TBC1D32: variants seen among roughly 807,000 people sequenced by gnomAD.
TBC1D32 encodes TBC1 domain family member 32.
In TBC1D32, 151 loss-of-function variants were observed where a neutral mutation model predicts 170.3. The observed-to-expected ratio is 0.89, with a 90% CI of 0.78 to 1.01. The LOEUF is 1.01. Ranked by LOEUF, TBC1D32 falls within the 50% of genes least tolerant of loss-of-function variation. The pLI is 0.00. For synonymous variants in TBC1D32, 498 were observed against 488.0 expected (o/e 1.02, Z -0.27); for missense variants, 1,464 against 1,457.1 (o/e 1.00, Z -0.08).
At chr6:121,249,144 T>A (rs906508071) in intron 17 of TBC1D32, among the ~76,000 whole-genome samples, 2 of 151,820 alleles carry the variant, frequency 1.3e-5, no homozygotes, top group African/African-American at 2.4e-5. Flanking sequence ...AATGTAGGGA[T>A]GGTTTAACAT....
At chr6:121,128,494 A>T (rs1001169317) in intron 25 of TBC1D32, among the ~76,000 whole-genome samples, 1 of 152,192 alleles carries the variant, frequency 6.6e-6, no homozygotes, top group Non-Finnish European at 1.5e-5. Flanking sequence ...ATCCTTAATT[A>T]TAAAACAAAT....
intron 29 of TBC1D32, among the ~76,000 whole-genome samples, chr6:121,110,242 C>A (rs1010418708): frequency 2.0e-5 from 3 of 147,346 alleles, no homozygotes; most frequent in African/African-American, 5.0e-5. Flanking sequence ...CAGAGTGAGA[C>A]TCTGTCTCAA....
intron 22 of TBC1D32, among the ~76,000 whole-genome samples, chr6:121,172,275 G>T (rs542606390): frequency 6.6e-6 from 1 of 152,292 alleles, no homozygotes; most frequent in South Asian, 2.1e-4. Flanking sequence ...GACTAATACA[G>T]TAAATTTTGG....
intron 15 of TBC1D32, among the ~76,000 whole-genome samples, chr6:121,258,035 CAA>C (rs1799271704): frequency 1.4e-5 from 2 of 145,638 alleles, no homozygotes; most frequent in African/African-American, 2.5e-5. Context: ...AAAAATATAA[CAA>C]GAGAAAAATA....
chr6:121,257,900 C>T (rs1293715296), intron 15 of TBC1D32, among the ~76,000 whole-genome samples: 1 of 152,142 alleles, frequency 6.6e-6, no homozygotes, highest in Non-Finnish European at 1.5e-5. Flanking sequence ...GATCATCCTC[C>T]ATACTTCCTG....
chr6:121,234,846 G>A (rs1796146312), intron 20 of TBC1D32, among the ~76,000 whole-genome samples: 1 of 151,958 alleles, frequency 6.6e-6, no homozygotes, highest in African/African-American at 2.4e-5. Flanking sequence ...AGTAGACTAC[G>A]TCAGAGGGAA....
intron 25 of TBC1D32, among the ~76,000 whole-genome samples, chr6:121,128,422 CCTCA>C (rs1204588332): frequency 6.6e-6 from 1 of 152,128 alleles, no homozygotes; most frequent in Non-Finnish European, 1.5e-5. Context: ...TGACCAACAG[CCTCA>C]CTGTCAACCC....
At chr6:121,240,877 C>CAAAAAAAA (rs35249678) in intron 19 of TBC1D32, among the ~76,000 whole-genome samples, 1 of 84,210 alleles carries the variant, frequency 1.2e-5, no homozygotes, top group Non-Finnish European at 2.1e-5. Flanking sequence ...TTCTGTCTCA[C>CAAAAAAAA]AAAAAAAAAA....
chr6:121,291,732 A>G (rs1244769297), intron 12 of TBC1D32, among the ~76,000 whole-genome samples: 1 of 152,178 alleles, frequency 6.6e-6, no homozygotes, highest in Non-Finnish European at 1.5e-5. Flanking sequence ...TGGAAACAAC[A>G]AAGGTTAAGT....
At chr6:121,196,094 C>T (rs2128293179) in intron 22 of TBC1D32, among the ~76,000 whole-genome samples, 1 of 152,290 alleles carries the variant, frequency 6.6e-6, no homozygotes, top group South Asian at 2.1e-4. Context: ...TATGAGTGCT[C>T]ACCAACAGGT....
chr6:121,322,712 C>A (rs1809903915), intron 1 of TBC1D32, among the ~76,000 whole-genome samples: 1 of 152,172 alleles, frequency 6.6e-6, no homozygotes, highest in African/African-American at 2.4e-5. Flanking sequence ...CAGAACAAAT[C>A]CATTTATCTA....
intron 10 of TBC1D32, among the ~76,000 whole-genome samples, chr6:121,295,325 G>A (rs908126312): frequency 1.4e-5 from 2 of 147,576 alleles, no homozygotes; most frequent in African/African-American, 2.5e-5. Flanking sequence ...GTGATATACG[G>A]TGTGATAATT....
chr6:121,292,074 T>C lies in TBC1D32; in HGVS notation c.1351A>G (p.Ile451Val), dbSNP rs372997464. ...TTACCTTTTTTATTCTTCAGCTTAA[T>C]AGGAAATAGTTTTCTGCCTTGTTTA... ...IYKQGRKLFP[I>V]KLKNKKGLVS... Residue 451 changes from isoleucine (I) to valine (V), a missense_variant, in exon 12 of 32, where the codon ATT becomes GTT. Coordinates refer to ENST00000398212, the MANE Select transcript of TBC1D32 (RefSeq NM_152730.6). The C allele has an allele frequency of 3.8e-6, 6 of 1,591,028 alleles. No individual in the cohort carries two copies. Among genetic ancestry groups the C allele is most frequent in the African/African-American group, 2.7e-5 (2 of 73,954 alleles).
intron 2 of TBC1D32, among the ~76,000 whole-genome samples, chr6:121,317,965 G>A (rs112768483): frequency 0.019 from 2,895 of 152,104 alleles, 104 homozygotes; most frequent in African/African-American, 0.066. Context: ...GGTTTCAATG[G>A]CATGGATTCC....
intron 24 of TBC1D32, among the ~76,000 whole-genome samples, chr6:121,150,330 C>G (rs12203221): frequency 0.012 from 1,782 of 152,196 alleles, 16 homozygotes; most frequent in Middle Eastern, 0.024. Flanking sequence ...TATGTTGAAC[C>G]AGCCTTGCAT....
chr6:121,300,838 T>G (rs1221496789), intron 9 of TBC1D32, among the ~76,000 whole-genome samples: 1 of 151,936 alleles, frequency 6.6e-6, no homozygotes, highest in Non-Finnish European at 1.5e-5. Flanking sequence ...TAAACAGATT[T>G]AGAAGAAAAA....
At chr6:121,122,010 A>C (rs1273721) in intron 26 of TBC1D32, among the ~76,000 whole-genome samples, 25,860 of 151,930 alleles carry the variant, frequency 0.17, 2,857 homozygotes, top group African/African-American at 0.28. Context: ...CAAGTATCTC[A>C]AACAACAAAA....
At chr6:121,278,944 C>A (rs914425787) in intron 15 of TBC1D32, among the ~76,000 whole-genome samples, 177 bp downstream of exon 15, 1 of 152,032 alleles carries the variant, frequency 6.6e-6, no homozygotes, top group African/African-American at 2.4e-5. Context: ...GGAAACCCAT[C>A]GAGAGTGAAC....
intron 22 of TBC1D32, among the ~76,000 whole-genome samples, chr6:121,189,348 T>C (rs915390874): frequency 1.3e-5 from 2 of 151,992 alleles, no homozygotes; most frequent in Non-Finnish European, 2.9e-5. Flanking sequence ...ATGCTGAACA[T>C]TAAGACTGAC....
Sources: gnomAD v4.1 joint callset for allele counts (sites outside exome capture counted in the v4.1 genomes callset) on GRCh38, gnomAD v4.1.1 for gene constraint, MANE v1.5 for transcripts, NCBI Gene and HGNC (gene_info 2026-07-23, HGNC 2026-07-21) for gene names.